The following PCSK2 variants were observed in gnomAD, a reference collection of about 807,000 sequenced individuals.
The protein encoded by PCSK2 is neuroendocrine convertase 2.
PCSK2 carries 14 observed loss-of-function variants against 69.7 expected under a neutral mutation model. The observed-to-expected ratio is 0.20, with a 90% CI of 0.13 to 0.31. The LOEUF (loss-of-function observed/expected upper bound fraction) is 0.31. Among genes scored for constraint, PCSK2 ranks in the 10% least tolerant of loss-of-function variants. PCSK2 has a pLI of 1.00. For synonymous variants in PCSK2, 307 were observed against 320.7 expected, an observed-to-expected ratio of 0.96 and a Z score of 0.46; for missense variants, 544 against 842.5, an observed-to-expected ratio of 0.65 and a Z score of 4.39.
chr20:17,412,500 G>GA lies in PCSK2; in HGVS notation c.620+3167dup, dbSNP rs1255847552. 5.3e-5 allele frequency among the ~76,000 whole-genome samples: 8 copies of GA among 152,168 alleles called. No homozygotes were observed. The South Asian group carries it at 1.5e-3, about 28-fold the overall frequency. ...TAGAGAAAAAAGAGTAAAAAGAAAT[G>GA]AAAAAACCCTCCAAGAAATATGGGA... is the stretch of plus-strand genomic sequence containing the variant. On this transcript the variant is annotated intron_variant, in intron 6 of 11. Transcript: ENST00000262545.
At chr20:17,465,835 T>A (rs1286601380) in intron 11 of PCSK2, among the ~76,000 whole-genome samples, 1 of 151,954 alleles carries the variant, frequency 6.6e-6, no homozygotes, top group Non-Finnish European at 1.5e-5. Flanking sequence ...ACCCTGCTAA[T>A]TTTTTTTATT....
At chr20:17,314,092 G>A (rs1334172281) in intron 2 of PCSK2, among the ~76,000 whole-genome samples, 1 of 151,830 alleles carries the variant, frequency 6.6e-6, no homozygotes, top group Non-Finnish European at 1.5e-5. Context: ...GCATTACCCT[G>A]AGTATTAATA....
intron 2 of PCSK2, among the ~76,000 whole-genome samples, chr20:17,326,420 T>C (rs1447404576): frequency 6.6e-6 from 1 of 152,144 alleles, no homozygotes; most frequent in Admixed American, 6.5e-5. Flanking sequence ...CTAGATGAGA[T>C]TATAGGTCAG....
chr20:17,358,544 A>T (rs2030286157), intron 3 of PCSK2, 104 bp downstream of exon 3: 1 of 678,854 alleles, frequency 1.5e-6, no homozygotes. Context: ...CCAGTATCCA[A>T]CCCAGTGACC....
intron 6 of PCSK2, among the ~76,000 whole-genome samples, chr20:17,421,881 T>C (rs2032139135): frequency 7.4e-6 from 1 of 135,812 alleles, no homozygotes; most frequent in African/African-American, 2.7e-5. Flanking sequence ...TAAAATCCAC[T>C]ATTCCAAAAT....
chr20:17,313,960 T>G (rs1465886889), intron 2 of PCSK2, among the ~76,000 whole-genome samples: 1 of 152,184 alleles, frequency 6.6e-6, no homozygotes, highest in Non-Finnish European at 1.5e-5. Context: ...TCAGCCAGGA[T>G]AGCACTCCAT....
At chr20:17,454,105 GC>G (rs2032876613) in intron 9 of PCSK2, 148 bp downstream of exon 9, 3 of 1,128,384 alleles carry the variant, frequency 2.7e-6, no homozygotes, top group South Asian at 3.2e-5. Context: ...TTTTCTCTAT[GC>G]CCAGTCCTGC....
chr20:17,438,581 G>A (rs182183685), intron 8 of PCSK2, among the ~76,000 whole-genome samples: 7 of 152,294 alleles, frequency 4.6e-5, no homozygotes, highest in South Asian at 2.1e-4. Context: ...AAGTCACATC[G>A]AAATCTATGA....
chr20:17,378,361 C>T (rs933084640), intron 5 of PCSK2, among the ~76,000 whole-genome samples: 2 of 152,164 alleles, frequency 1.3e-5, no homozygotes, highest in African/African-American at 4.8e-5. Flanking sequence ...AGATTTGCTT[C>T]CACCTAGAAG....
intron 2 of PCSK2, among the ~76,000 whole-genome samples, chr20:17,291,845 T>A (rs1318990228): frequency 6.6e-6 from 1 of 152,152 alleles, no homozygotes; most frequent in East Asian, 1.9e-4. Context: ...GGCTCCTTTA[T>A]TTTTTTGGCT....
intron 11 of PCSK2, among the ~76,000 whole-genome samples, chr20:17,478,917 T>G (rs764425497): frequency 1.1e-4 from 16 of 152,252 alleles, no homozygotes; most frequent in Non-Finnish European, 2.1e-4. Context: ...GAATATGAGA[T>G]AATCTGCCAA....
chr20:17,370,858 G>A (rs184557619), intron 5 of PCSK2, among the ~76,000 whole-genome samples: 351 of 152,314 alleles, frequency 2.3e-3, no homozygotes, highest in African/African-American at 8.0e-3. Context: ...GTGCTGCATT[G>A]CATTTTCTCC....
chr20:17,399,722 G>C (rs1361347020), intron 5 of PCSK2, among the ~76,000 whole-genome samples: 1 of 152,192 alleles, frequency 6.6e-6, no homozygotes, highest in Non-Finnish European at 1.5e-5. Context: ...CCACGTGTAA[G>C]CATCTCATGG....
intron 2 of PCSK2, among the ~76,000 whole-genome samples, chr20:17,308,364 TA>T (rs1275189674): frequency 2.6e-5 from 4 of 152,068 alleles, no homozygotes; most frequent in Non-Finnish European, 5.9e-5. Flanking sequence ...GTAGTACAAT[TA>T]GAAAAGATGG....
At chr20:17,366,747 C>T (rs1329213528) in intron 4 of PCSK2, among the ~76,000 whole-genome samples, 2 of 152,190 alleles carry the variant, frequency 1.3e-5, no homozygotes, top group Non-Finnish European at 2.9e-5. Flanking sequence ...AGACCAAAGT[C>T]GGTATCTGTT....
At chr20:17,354,841 TTGAA>T (rs1355375567) in intron 2 of PCSK2, among the ~76,000 whole-genome samples, 3 of 152,140 alleles carry the variant, frequency 2.0e-5, no homozygotes, top group African/African-American at 7.2e-5. Flanking sequence ...TGAATTAAGA[TTGAA>T]TGAGAACCCA....
At chr20:17,346,428 C>T (rs898751301) in intron 2 of PCSK2, among the ~76,000 whole-genome samples, 4 of 152,162 alleles carry the variant, frequency 2.6e-5, no homozygotes, top group African/African-American at 9.7e-5. Context: ...TTCCTCCTCC[C>T]ATTTGTCCTC....
intron 2 of PCSK2, among the ~76,000 whole-genome samples, chr20:17,304,607 G>T (rs1279226110): frequency 6.6e-6 from 1 of 152,116 alleles, no homozygotes; most frequent in Non-Finnish European, 1.5e-5. Context: ...TTTCTGTGTT[G>T]TGTAATTTCC....
chr20:17,358,540 T>C (rs907805892), intron 3 of PCSK2, 100 bp downstream of exon 3: 1 of 700,228 alleles, frequency 1.4e-6, no homozygotes, highest in Non-Finnish European at 2.5e-6. Flanking sequence ...TTAGCCAGTA[T>C]CCAACCCAGT....
Sources: gnomAD v4.1 joint callset for allele counts (sites outside exome capture counted in the v4.1 genomes callset) on GRCh38, gnomAD v4.1.1 for gene constraint, MANE v1.5 for transcripts, NCBI Gene and HGNC (gene_info 2026-07-23, HGNC 2026-07-21) for gene names.